Variants in LRP1B observed in about 807,000 individuals in gnomAD.
LRP1B encodes low-density lipoprotein receptor-related protein 1B.
Under a neutral mutation model 556.6 loss-of-function variants are expected in LRP1B, and 217 were observed. The observed-to-expected ratio is 0.39, with a 90% CI of 0.35 to 0.44. The LOEUF (loss-of-function observed/expected upper bound fraction) is 0.44. LRP1B is among the 20% of genes least tolerant of loss of function. The probability of loss-of-function intolerance (pLI) is 1.00; values close to 1 mark genes in which losing one functional copy is unlikely to be tolerated. For synonymous variants in LRP1B, 2,047 were observed against 1,865.8 expected, an observed-to-expected ratio of 1.10 and a Z score of -2.50; for missense variants, 5,053 against 5,620.8, an observed-to-expected ratio of 0.90 and a Z score of 3.23.
At chr2:140,317,155 G>A (rs758515233) in intron 82 of LRP1B, among the ~76,000 whole-genome samples, 60 of 152,230 alleles carry the variant, frequency 3.9e-4, no homozygotes, top group Middle Eastern at 6.8e-3. Flanking sequence ...CAATAGGTAA[G>A]TGATTTTGAA....
At chr2:141,348,096 C>A (rs1688317213) in intron 3 of LRP1B, among the ~76,000 whole-genome samples, 1 of 152,042 alleles carries the variant, frequency 6.6e-6, no homozygotes, top group African/African-American at 2.4e-5. Context: ...GTGCTCTTCA[C>A]ACTTAGTGTC....
intron 1 of LRP1B, among the ~76,000 whole-genome samples, chr2:141,950,731 C>T (rs1158695608): frequency 6.6e-6 from 1 of 152,008 alleles, no homozygotes; most frequent in Non-Finnish European, 1.5e-5. Context: ...TTTTCATCAT[C>T]TTTTTTGAAT....
chr2:141,420,624 G>A (rs887218844), intron 3 of LRP1B, among the ~76,000 whole-genome samples: 2 of 152,150 alleles, frequency 1.3e-5, no homozygotes, highest in African/African-American at 4.8e-5. Flanking sequence ...ACCAAGGCAG[G>A]TAAGACATAT....
At chr2:140,506,692 C>A (rs2104906163) in intron 53 of LRP1B, 104 bp downstream of exon 53, 3 of 1,179,392 alleles carry the variant, frequency 2.5e-6, no homozygotes, top group Non-Finnish European at 2.4e-6. Flanking sequence ...GTGTTGATGA[C>A]ACTAAGAAAT....
intron 2 of LRP1B, among the ~76,000 whole-genome samples, chr2:141,597,502 A>G (rs1343791593): frequency 1.3e-5 from 2 of 151,986 alleles, no homozygotes. Flanking sequence ...CATATTCTAA[A>G]CTTCCATCAG....
intron 1 of LRP1B, among the ~76,000 whole-genome samples, chr2:141,922,156 T>G (rs1700203578): frequency 6.6e-6 from 1 of 152,146 alleles, no homozygotes; most frequent in South Asian, 2.1e-4. Flanking sequence ...AGAAAAATCT[T>G]GTTTGTAAAA....
chr2:141,258,257 A>T (rs1405048378), intron 3 of LRP1B, among the ~76,000 whole-genome samples: 1 of 152,176 alleles, frequency 6.6e-6, no homozygotes, highest in Non-Finnish European at 1.5e-5. Context: ...AGGCCAAGGC[A>T]GGTGGATCAC....
At chr2:140,384,018 T>C (rs1683651587) in intron 67 of LRP1B, among the ~76,000 whole-genome samples, 1 of 152,164 alleles carries the variant, frequency 6.6e-6, no homozygotes, top group East Asian at 1.9e-4. Flanking sequence ...AGTACAATGA[T>C]ATTCAGCCGC....
chr2:141,588,373 T>C (rs1317127821), intron 2 of LRP1B, among the ~76,000 whole-genome samples: 1 of 152,074 alleles, frequency 6.6e-6, no homozygotes, highest in African/African-American at 2.4e-5. Flanking sequence ...CAGAAGCTAC[T>C]TAGAGAAGGG....
intron 35 of LRP1B, among the ~76,000 whole-genome samples, chr2:140,742,588 AT>A (rs1255919771): frequency 3.3e-5 from 5 of 152,030 alleles, no homozygotes; most frequent in African/African-American, 7.2e-5. Context: ...ACAGAATTAT[AT>A]TTTTTTAATC....
At chr2:142,114,882 A>G (rs1574700797) in intron 1 of LRP1B, among the ~76,000 whole-genome samples, 1 of 152,118 alleles carries the variant, frequency 6.6e-6, no homozygotes, top group Non-Finnish European at 1.5e-5. Context: ...GTACATTTCA[A>G]AGTGAAAGAT....
intron 2 of LRP1B, among the ~76,000 whole-genome samples, chr2:141,495,343 A>C (rs985364699): frequency 1.4e-4 from 21 of 152,102 alleles, no homozygotes; most frequent in African/African-American, 4.6e-4. Context: ...CTTTCTGACC[A>C]CTCATACCCA....
At chr2:141,586,207 C>T (rs56398895) in intron 2 of LRP1B, among the ~76,000 whole-genome samples, 12,218 of 152,010 alleles carry the variant, frequency 0.08, 572 homozygotes, top group South Asian at 0.14. Context: ...TTTCCAAATC[C>T]CTTATTTTCA....
intron 1 of LRP1B, among the ~76,000 whole-genome samples, chr2:141,901,215 T>C (rs7558739): frequency 0.079 from 11,959 of 152,002 alleles, 1,576 homozygotes; most frequent in African/African-American, 0.27. Flanking sequence ...TAATAGATTC[T>C]ACCAACACAT....
intron 31 of LRP1B, among the ~76,000 whole-genome samples, chr2:140,818,630 G>A (rs761123228): frequency 8.6e-5 from 13 of 152,022 alleles, no homozygotes; most frequent in Non-Finnish European, 1.3e-4. Context: ...TTTGGGTTTT[G>A]CTGGGTAAAG....
intron 21 of LRP1B, 87 bp from the exon 22 acceptor site, chr2:140,908,164 C>A: frequency 2.0e-6 from 2 of 1,013,390 alleles, no homozygotes; most frequent in South Asian, 1.4e-5. Flanking sequence ...CAGTCACAGG[C>A]AGAATTACTT....
intron 3 of LRP1B, among the ~76,000 whole-genome samples, chr2:141,442,552 T>C (rs1219129900): frequency 2.6e-5 from 4 of 151,928 alleles, no homozygotes; most frequent in African/African-American, 9.7e-5. Context: ...CTACATTAGG[T>C]ATTTCTCCTA....
At chr2:141,143,367 C>A (rs1388956613) in intron 7 of LRP1B, among the ~76,000 whole-genome samples, 1 of 152,114 alleles carries the variant, frequency 6.6e-6, no homozygotes, top group African/African-American at 2.4e-5. Flanking sequence ...AGATTTACCT[C>A]CTCCCTGTAG....
intron 3 of LRP1B, among the ~76,000 whole-genome samples, chr2:141,273,609 T>C (rs573624450): frequency 7.3e-4 from 111 of 152,098 alleles, no homozygotes; most frequent in Non-Finnish European, 1.4e-3. Context: ...AGTAAAAGAG[T>C]TACAACGAGA....
Sources: allele counts gnomAD v4.1 joint callset (sites outside exome capture counted in the v4.1 genomes callset), GRCh38; gene constraint gnomAD v4.1.1; transcripts MANE v1.5; gene names NCBI Gene and HGNC (gene_info 2026-07-23, HGNC 2026-07-21).